The following MTCH2 variants were observed in gnomAD, a reference collection of about 807,000 sequenced individuals.
MTCH2 encodes mitochondrial carrier homolog 2.
A neutral mutation model predicts 50.6 loss-of-function variants in MTCH2; 25 were observed. The observed-to-expected ratio is 0.49, with a 90% CI of 0.36 to 0.69. MTCH2 has a LOEUF of 0.69. Among genes scored for constraint, MTCH2 ranks in the 30% least tolerant of loss-of-function variants. The pLI is 0.00. For synonymous variants in MTCH2, 106 were observed against 132.0 expected, an observed-to-expected ratio of 0.80 and a Z score of 1.35; for missense variants, 273 against 384.4, an observed-to-expected ratio of 0.71 and a Z score of 2.42.
At chr11:47,605,653 G>T in the MTCH2 span, among the ~76,000 whole-genome samples, 4 of 152,180 alleles carry the variant, frequency 2.6e-5, no homozygotes, top group African/African-American at 4.8e-5. Flanking sequence ...AGCAAGCTCT[G>T]CAGCAATCGG....
the MTCH2 span, among the ~76,000 whole-genome samples, chr11:47,607,613 T>C: frequency 6.6e-6 from 1 of 152,148 alleles, no homozygotes; most frequent in South Asian, 2.1e-4. Context: ...AGAGTCCTCC[T>C]GGGGATTTTT....
intron 5 of MTCH2, among the ~76,000 whole-genome samples, chr11:47,634,265 A>T (rs2097306430): frequency 6.6e-6 from 1 of 152,036 alleles, no homozygotes; most frequent in Non-Finnish European, 1.5e-5. Flanking sequence ...TTTTTTGTAG[A>T]GAGGAAGTCT....
chr11:47,628,759 G>C (rs1404305386), intron 9 of MTCH2, among the ~76,000 whole-genome samples, 194 bp downstream of exon 9: 1 of 152,066 alleles, frequency 6.6e-6, no homozygotes, highest in African/African-American at 2.4e-5. Context: ...TGTATTTTTA[G>C]TAGAGACGAG....
chr11:47,628,167 C>T (rs1442947241), intron 9 of MTCH2, among the ~76,000 whole-genome samples: 1 of 152,170 alleles, frequency 6.6e-6, no homozygotes, highest in Non-Finnish European at 1.5e-5. Context: ...GAGCTGCCGA[C>T]ATACAAGAGG....
At chr11:47,612,418 A>G (rs1816048262), downstream of MTCH2, among the ~76,000 whole-genome samples, 1 of 152,104 alleles carries the variant, frequency 6.6e-6, no homozygotes, top group Admixed American at 6.5e-5. Context: ...ATACAAAAAA[A>G]TTAGCCGGGC....
At chr11:47,606,924 C>G in the MTCH2 span, among the ~76,000 whole-genome samples, 2 of 152,198 alleles carry the variant, frequency 1.3e-5, no homozygotes, top group Admixed American at 1.3e-4. Context: ...CAGTCTCCAG[C>G]TCAGTGCCTG....
intron 11 of MTCH2, among the ~76,000 whole-genome samples, chr11:47,624,840 C>T (rs2097296518): frequency 1.3e-5 from 2 of 152,166 alleles, no homozygotes; most frequent in Non-Finnish European, 2.9e-5. Flanking sequence ...TTAATTCCAG[C>T]GCTTTGGAAG....
intron 5 of MTCH2, among the ~76,000 whole-genome samples, chr11:47,633,520 ATATATATTTTTT>A (rs1328982363): frequency 2.0e-4 from 4 of 19,778 alleles, no homozygotes; most frequent in Non-Finnish European, 3.4e-4. Context: ...ATATATATAT[ATATATATTTTTT>A]TTTTTTTTTT....
At chr11:47,623,817 C>T (rs899820249) in intron 11 of MTCH2, among the ~76,000 whole-genome samples, 3 of 151,884 alleles carry the variant, frequency 2.0e-5, no homozygotes, top group South Asian at 2.1e-4. Flanking sequence ...TTTAGGAGGT[C>T]GAGGAGGGTG....
intron 9 of MTCH2, 134 bp from the exon 10 acceptor site, chr11:47,627,261 G>C (rs1458303219): frequency 1.7e-6 from 1 of 581,108 alleles, no homozygotes; most frequent in Non-Finnish European, 2.9e-6. Flanking sequence ...CTGAAGTGCA[G>C]TGACCTCCTG....
At chr11:47,621,563 G>A (rs1178051146) in intron 12 of MTCH2, among the ~76,000 whole-genome samples, 3 of 151,860 alleles carry the variant, frequency 2.0e-5, no homozygotes, top group Admixed American at 2.0e-4. Context: ...CTCCCCAGTA[G>A]CTGGGACTAC....
At chr11:47,626,510 A>C (rs949179830) in intron 10 of MTCH2, among the ~76,000 whole-genome samples, 2 of 152,032 alleles carry the variant, frequency 1.3e-5, no homozygotes, top group Non-Finnish European at 2.9e-5. Context: ...CACGCCCCTT[A>C]TGAAAGCTAA....
At chr11:47,615,692 G>A (rs367886382), downstream of MTCH2, among the ~76,000 whole-genome samples, 277 of 151,716 alleles carry the variant, frequency 1.8e-3, 1 homozygote, top group Middle Eastern at 3.4e-3. Context: ...GAGTGCAGTG[G>A]GGCAATCTCA....
At chr11:47,627,444 C>A (rs1238937744) in intron 9 of MTCH2, among the ~76,000 whole-genome samples, 2 of 151,754 alleles carry the variant, frequency 1.3e-5, no homozygotes, top group Non-Finnish European at 2.9e-5. Context: ...GCATAAGCCA[C>A]TATGCCCAGC....
chr11:47,629,242 A>T (rs2097300810), intron 8 of MTCH2, 196 bp from the exon 9 acceptor site: 1 of 545,018 alleles, frequency 1.8e-6, no homozygotes, highest in Non-Finnish European at 3.3e-6. Flanking sequence ...GCTGATCTCC[A>T]GTGACTTTTG....
intron 8 of MTCH2, 21 bp downstream of exon 8, chr11:47,630,534 C>T: frequency 6.3e-7 from 1 of 1,586,606 alleles, no homozygotes; most frequent in Non-Finnish European, 8.7e-7. Context: ...AAAAATTACA[C>T]ACTAATCAAC....
At chr11:47,626,481 T>C (rs573784148) in intron 10 of MTCH2, among the ~76,000 whole-genome samples, 13 of 151,870 alleles carry the variant, frequency 8.6e-5, no homozygotes, top group Admixed American at 5.2e-4. Context: ...GCCTGAACAA[T>C]ATTATTTCGG....
chr11:47,613,857 G>A (rs2097286862), downstream of MTCH2, among the ~76,000 whole-genome samples: 1 of 152,114 alleles, frequency 6.6e-6, no homozygotes. Flanking sequence ...GGAGGCCCAG[G>A]CAGATCATTT....
At chr11:47,615,254 GCTGTTTTAGTTGGC>G (rs1311195581), downstream of MTCH2, among the ~76,000 whole-genome samples, 1 of 152,036 alleles carries the variant, frequency 6.6e-6, no homozygotes, top group Non-Finnish European at 1.5e-5. Flanking sequence ...ATCCAAGCAG[GCTGTTTTAGTTGGC>G]CTGTTTTAAA....
Sources: allele counts gnomAD v4.1 joint callset (sites outside exome capture counted in the v4.1 genomes callset), GRCh38; gene constraint gnomAD v4.1.1; transcripts MANE v1.5; gene names NCBI Gene and HGNC (gene_info 2026-07-23, HGNC 2026-07-21).